The following SLCO6A1 variants were observed in gnomAD, a reference collection of about 807,000 sequenced individuals.
SLCO6A1 encodes the protein solute carrier organic anion transporter family member 6A1.
Under a neutral mutation model 72.7 loss-of-function variants are expected in SLCO6A1, and 65 were observed. The ratio of observed to expected loss-of-function variants is 0.89; its 90% confidence interval spans 0.73 to 1.10. SLCO6A1 has a LOEUF of 1.10. Ranked by LOEUF, SLCO6A1 falls within the 50% of genes least tolerant of loss-of-function variation. The pLI is 0.00. For synonymous variants in SLCO6A1, 314 were observed against 298.2 expected (o/e 1.05, Z -0.55); for missense variants, 874 against 872.6 (o/e 1.00, Z -0.02).
At chr5:102,375,713 TAC>T (rs1745745785) in intron 12 of SLCO6A1, among the ~76,000 whole-genome samples, 1 of 152,016 alleles carries the variant, frequency 6.6e-6, no homozygotes, top group South Asian at 2.1e-4. Context: ...AGTATAGAAA[TAC>T]AAACTACAAA....
At position 102,473,252 on chromosome 5, in the gene SLCO6A1, A is replaced by G. The variant is rs551091597; in HGVS notation, c.899+2445T>C. ...AAACACAAGCAAATTGAATGTAACA[A>G]CATATTAAAGGGAATATACATCATA... On this transcript the variant is annotated intron_variant, in intron 4 of 13. Transcript: ENST00000506729. Among the ~76,000 whole-genome samples the G allele has an allele frequency of 2.6e-5, 4 of 152,176 alleles. No homozygotes were observed. The South Asian group carries it at 8.3e-4, about 32-fold the overall frequency.
chr5:102,450,195 A>C (rs1247128990), intron 6 of SLCO6A1, among the ~76,000 whole-genome samples: 3 of 152,206 alleles, frequency 2.0e-5, no homozygotes, highest in Non-Finnish European at 4.4e-5. Context: ...GGAAGTAAAA[A>C]GACATTCTGG....
intron 6 of SLCO6A1, among the ~76,000 whole-genome samples, chr5:102,450,606 T>C (rs79561499): frequency 0.026 from 4,013 of 152,324 alleles, 130 homozygotes; most frequent in African/African-American, 0.079. Flanking sequence ...CTGCGCATCA[T>C]AGCCCTGGGG....
rs534348306 is a variant in SLCO6A1 at position 102,470,606 on chromosome 5, G to T, written c.899+5091C>A. Among the ~76,000 whole-genome samples the T allele has an allele frequency of 2.0e-5, 3 of 152,088 alleles. No homozygotes were observed. The South Asian group carries it at 6.2e-4, about 32-fold the overall frequency. Reference sequence around the variant, plus strand: ...TTTTGTTGATCTTTTCAAAAAACCAGCTCCTGGATTCATTGATTTTTTGAA... The same window carrying T: ...TTTTGTTGATCTTTTCAAAAAACCATCTCCTGGATTCATTGATTTTTTGAA... On this transcript the variant is annotated intron_variant, in intron 4 of 13. Transcript: ENST00000506729.
chr5:102,377,431 TA>T (rs1745861194), intron 12 of SLCO6A1, among the ~76,000 whole-genome samples: 1 of 151,928 alleles, frequency 6.6e-6, no homozygotes, highest in Admixed American at 6.6e-5. Context: ...AAAACTAAAA[TA>T]TTTTTTAAAA....
chr5:102,398,906 T>C (rs963935278), intron 10 of SLCO6A1, among the ~76,000 whole-genome samples: 6 of 152,062 alleles, frequency 3.9e-5, no homozygotes, highest in Non-Finnish European at 8.8e-5. Context: ...TCAACTCAGA[T>C]AGAAATTACC....
chr5:102,459,612 GAAA>G, intron 5 of SLCO6A1, 41 bp downstream of exon 5: 1 of 1,532,712 alleles, frequency 6.5e-7, no homozygotes. Context: ...CATGGTGGAA[GAAA>G]CTACTATCCT....
intron 6 of SLCO6A1, among the ~76,000 whole-genome samples, chr5:102,441,152 T>C (rs921143207): frequency 1.1e-4 from 17 of 152,212 alleles, no homozygotes; most frequent in Non-Finnish European, 4.4e-5. Context: ...TTAATATTAT[T>C]GCAATCTTGT....
At chr5:102,422,839 T>C (rs1423213884) in intron 7 of SLCO6A1, among the ~76,000 whole-genome samples, 1 of 151,984 alleles carries the variant, frequency 6.6e-6, no homozygotes, top group Non-Finnish European at 1.5e-5. Context: ...TAATCAAGGT[T>C]AAAACAAAGC....
intron 12 of SLCO6A1, among the ~76,000 whole-genome samples, chr5:102,378,266 A>T (rs1402458933): frequency 2.0e-5 from 3 of 152,094 alleles, no homozygotes; most frequent in Admixed American, 1.3e-4. Context: ...CTTTGTAGGG[A>T]CATGGATGAA....
chr5:102,496,781 C>T (rs1561508293), intron 1 of SLCO6A1, among the ~76,000 whole-genome samples: 1 of 152,082 alleles, frequency 6.6e-6, no homozygotes, highest in Non-Finnish European at 1.5e-5. Flanking sequence ...TATAATTACC[C>T]CCTTATGGTG....
intron 7 of SLCO6A1, among the ~76,000 whole-genome samples, chr5:102,433,088 T>C (rs528712898): frequency 3.9e-5 from 6 of 152,228 alleles, no homozygotes; most frequent in Non-Finnish European, 8.8e-5. Flanking sequence ...GATTGCATTA[T>C]GAAATTCTCA....
intron 7 of SLCO6A1, among the ~76,000 whole-genome samples, chr5:102,424,202 A>G (rs1380318088): frequency 6.6e-6 from 1 of 152,182 alleles, no homozygotes; most frequent in East Asian, 1.9e-4. Context: ...TAACATTGCA[A>G]TGAAAAGAAC....
chr5:102,451,979 G>C (rs191284661), intron 6 of SLCO6A1, among the ~76,000 whole-genome samples: 84 of 152,302 alleles, frequency 5.5e-4, no homozygotes, highest in African/African-American at 2.0e-3. Flanking sequence ...GAAATTCATT[G>C]TTTTAACTAC....
intron 1 of SLCO6A1, among the ~76,000 whole-genome samples, chr5:102,485,268 A>G (rs1392294927): frequency 1.6e-5 from 2 of 124,666 alleles, no homozygotes; most frequent in African/African-American, 3.3e-5. Flanking sequence ...AAATAAATAA[A>G]TAAATAAATA....
At chr5:102,435,166 T>C (rs1045937040) in intron 7 of SLCO6A1, among the ~76,000 whole-genome samples, 1 of 152,070 alleles carries the variant, frequency 6.6e-6, no homozygotes, top group African/African-American at 2.4e-5. Flanking sequence ...CTTAGGAAGA[T>C]TTTCCTAAGA....
At chr5:102,416,907 T>A (rs1342618502) in intron 8 of SLCO6A1, among the ~76,000 whole-genome samples, 1 of 152,142 alleles carries the variant, frequency 6.6e-6, no homozygotes, top group Non-Finnish European at 1.5e-5. Flanking sequence ...TTTGATCTAC[T>A]TCTGACCACT....
At chr5:102,409,458 A>T (rs576368095) in intron 9 of SLCO6A1, among the ~76,000 whole-genome samples, 59 of 151,860 alleles carry the variant, frequency 3.9e-4, no homozygotes, top group African/African-American at 1.3e-3. Context: ...TGTATAGTGT[A>T]TCTTATTTTA....
chr5:102,477,434 A>AT (rs1289021805), intron 3 of SLCO6A1, among the ~76,000 whole-genome samples: 3 of 152,084 alleles, frequency 2.0e-5, no homozygotes, highest in African/African-American at 7.2e-5. Context: ...GAAAGTACGT[A>AT]TTTTTTCAAT....
Sources: allele counts gnomAD v4.1 joint callset (sites outside exome capture counted in the v4.1 genomes callset), GRCh38; gene constraint gnomAD v4.1.1; transcripts MANE v1.5; gene names NCBI Gene and HGNC (gene_info 2026-07-23, HGNC 2026-07-21).